The following PELP1 variants were observed in gnomAD, a reference collection of about 807,000 sequenced individuals.
The protein encoded by PELP1 is proline, glutamate and leucine rich protein 1.
A neutral mutation model predicts 95.5 loss-of-function variants in PELP1; 32 were observed. That is an observed-to-expected ratio of 0.34 (90% CI 0.25 to 0.45). The LOEUF is 0.45. Among genes scored for constraint, PELP1 ranks in the 20% least tolerant of loss-of-function variants. The pLI is 1.00. For synonymous variants in PELP1, 668 were observed against 600.1 expected, an observed-to-expected ratio of 1.11 and a Z score of -1.65; for missense variants, 1,358 against 1,444.8, an observed-to-expected ratio of 0.94 and a Z score of 0.97.
In PELP1 at chr17:4,671,839, T is replaced by A. The variant is rs766057111; in HGVS notation, c.3152A>T (p.Gln1051Leu). Reference sequence around the variant, plus strand: ...AGAGGGCTCTTCTTCAACAAGCTCCTGGGGAGGGGGCCCTGCCGCAGGGCT... The same window carrying A: ...AGAGGGCTCTTCTTCAACAAGCTCCAGGGGAGGGGGCCCTGCCGCAGGGCT... Reference protein sequence around the residue: ...GESPAAGPPPQELVEEEPSAP... With the variant: ...GESPAAGPPPLELVEEEPSAP... Residue 1051 changes from glutamine (Q) to leucine (L), a missense_variant, in exon 16 of 17, where the codon CAG becomes CTG. By Grantham distance (113) the Gln-to-Leu change is moderately radical. Around this residue, in one of 7 missense-constraint regions of PELP1, gnomAD observed 283 missense variants for 284.1 expected, o/e 1.00. Coordinates refer to ENST00000572293, the MANE Select transcript of PELP1 (RefSeq NM_014389.3). 8.6e-6 allele frequency: 13 copies of A among 1,513,660 alleles called. No homozygotes were observed. The highest frequency in any genetic ancestry group is 1.4e-5 in the South Asian group (1 of 72,600). 93.8% of individuals were successfully genotyped at this position (1,513,660 alleles called of 1,614,324 possible).
In PELP1 at chr17:4,673,180, G is replaced by C. The variant is rs1318016125; in HGVS notation, c.1846-35C>G. 1 of 1,516,208 alleles carries C rather than the reference G, an allele frequency of 6.6e-7. No individual in the cohort carries two copies. The highest frequency in any genetic ancestry group is 8.9e-7 in the Non-Finnish European group (1 of 1,129,690). 93.9% of individuals were successfully genotyped at this position (1,516,208 alleles called of 1,614,324 possible). ...GAAGAAAGGGCAAGTGTGAGCACCA[G>C]AAATACTGGGAGTCTCTTGGAAACA... On this transcript the variant is annotated intron_variant, in intron 15 of 16. Transcript: ENST00000572293. This position sits in a 1 kb window ranked among gnomAD's most constrained non-coding sequence, Gnocchi z 5.7.
intron 1 of PELP1, among the ~76,000 whole-genome samples, chr17:4,701,186 A>T (rs1913514894): frequency 6.6e-6 from 1 of 152,084 alleles, no homozygotes; most frequent in Non-Finnish European, 1.5e-5. Context: ...TGTAGGGGAG[A>T]GAGGTTATAA....
At chr17:4,687,832 T>C (rs1912961089) in intron 3 of PELP1, among the ~76,000 whole-genome samples, 1 of 152,102 alleles carries the variant, frequency 6.6e-6, no homozygotes, top group Non-Finnish European at 1.5e-5. Flanking sequence ...GGAGATGTTA[T>C]CAAAGGATGT....
At chr17:4,676,546 C>A (rs369779001) in intron 6 of PELP1, 39 bp from the exon 7 acceptor site, 50 of 1,608,166 alleles carry the variant, frequency 3.1e-5, no homozygotes, top group Non-Finnish European at 3.8e-5. Flanking sequence ...AGATGGGAAT[C>A]CAGCCCAGCC....
intron 1 of PELP1, among the ~76,000 whole-genome samples, chr17:4,702,561 T>C (rs1256585314): frequency 2.0e-5 from 3 of 152,218 alleles, no homozygotes; most frequent in African/African-American, 7.2e-5. Context: ...CTCCAGCCTC[T>C]GATATTGGGC....
intron 1 of PELP1, among the ~76,000 whole-genome samples, chr17:4,695,799 C>A (rs531183480): frequency 6.7e-6 from 1 of 149,480 alleles, no homozygotes; most frequent in South Asian, 2.1e-4. Flanking sequence ...GCCAACGTGG[C>A]GAAACTAAAC....
At chr17:4,700,993 A>T (rs754460451) in intron 1 of PELP1, among the ~76,000 whole-genome samples, 3,000 of 36,728 alleles carry the variant, frequency 0.082, 65 homozygotes, top group Non-Finnish European at 0.15. Flanking sequence ...AAGTTCCACT[A>T]AAAAAAAAAA....
At chr17:4,698,154 C>A (rs1039078538) in intron 1 of PELP1, among the ~76,000 whole-genome samples, 1 of 151,978 alleles carries the variant, frequency 6.6e-6, no homozygotes, top group Non-Finnish European at 1.5e-5. Context: ...GCCACTGCAC[C>A]TGGACGACTT....
intron 1 of PELP1, among the ~76,000 whole-genome samples, chr17:4,702,130 T>A (rs1913563164): frequency 6.6e-6 from 1 of 152,116 alleles, no homozygotes; most frequent in Non-Finnish European, 1.5e-5. Context: ...AAAAAAAATT[T>A]CTGGGGGGCA....
At position 4,672,299 on chromosome 17, in the gene PELP1, C is replaced by T; in HGVS notation, c.2692G>A (p.Glu898Lys). The T allele has an allele frequency of 6.4e-7, 1 of 1,551,546 alleles. No homozygotes were observed. The highest frequency in any genetic ancestry group is 2.0e-5 in the Admixed American group (1 of 51,040). The change falls in exon 16 of 17, where the codon GAA (glutamate) becomes AAA (lysine). Residue 898 changes from glutamate (E) to lysine (K), a missense_variant. By Grantham distance (56) the Glu-to-Lys change is moderately conservative. Around this residue, in one of 7 missense-constraint regions of PELP1, gnomAD observed 283 missense variants for 284.1 expected, o/e 1.00. Transcript: ENST00000572293. ...EEEEEEEEEE[E>K]EEEEEEEEEE... ...TCTTCCTCTTCTTCCTCTTCTTCTT[C>T]TTCCTCTTCTTCCTCTTCCTCCTCC...
chr17:4,698,670 C>T (rs1254655873), intron 1 of PELP1, among the ~76,000 whole-genome samples: 1 of 142,710 alleles, frequency 7.0e-6, no homozygotes, highest in Non-Finnish European at 1.5e-5. Flanking sequence ...AAACAAACAA[C>T]AACAAAAAAA....
At chr17:4,694,107 A>C (rs1913205797) in intron 1 of PELP1, among the ~76,000 whole-genome samples, 1 of 152,166 alleles carries the variant, frequency 6.6e-6, no homozygotes, top group African/African-American at 2.4e-5. Flanking sequence ...AAAGAAGCCA[A>C]ACCCAAAGGC....
At chr17:4,690,270 G>T (rs960324935) in intron 3 of PELP1, among the ~76,000 whole-genome samples, 1 of 152,036 alleles carries the variant, frequency 6.6e-6, no homozygotes, top group East Asian at 1.9e-4. Flanking sequence ...CTGAGGACTC[G>T]GGCGGAAATG....
At chr17:4,680,059 A>G (rs1266088124) in intron 5 of PELP1, among the ~76,000 whole-genome samples, 2 of 152,230 alleles carry the variant, frequency 1.3e-5, no homozygotes, top group African/African-American at 4.8e-5. Flanking sequence ...ACCAGATAAT[A>G]TAACCTTTGG....
chr17:4,682,778 G>T, intron 4 of PELP1, 25 bp downstream of exon 4: 2 of 1,546,606 alleles, frequency 1.3e-6, no homozygotes, highest in Non-Finnish European at 1.7e-6. Context: ...GGGGCCATGG[G>T]GAAGGGTCCA....
intron 3 of PELP1, among the ~76,000 whole-genome samples, chr17:4,683,501 G>C (rs1218630084): frequency 5.9e-5 from 8 of 136,026 alleles, no homozygotes; most frequent in African/African-American, 1.9e-4. Context: ...TTACAGGTGT[G>C]AGCCATCACG....
intron 3 of PELP1, among the ~76,000 whole-genome samples, chr17:4,683,374 C>G (rs36002871): frequency 1.3e-5 from 2 of 151,590 alleles, no homozygotes; most frequent in Non-Finnish European, 2.9e-5. Context: ...GCGCCCGCCA[C>G]CACGCCTGAC....
At chr17:4,694,614 C>G (rs952958876) in intron 1 of PELP1, among the ~76,000 whole-genome samples, 4 of 149,288 alleles carry the variant, frequency 2.7e-5, no homozygotes, top group African/African-American at 9.9e-5. Flanking sequence ...GAGCCAAGAT[C>G]GTGACACTGC....
chr17:4,674,404 C>T, intron 13 of PELP1, 106 bp downstream of exon 13: 1 of 1,041,134 alleles, frequency 9.6e-7, no homozygotes, highest in Non-Finnish European at 1.4e-6. Flanking sequence ...AGGCACTCTC[C>T]CCACAAAAGT....
Sources: gnomAD v4.1 joint callset for allele counts (sites outside exome capture counted in the v4.1 genomes callset) on GRCh38, gnomAD v4.1.1 for gene constraint, gnomAD v4.1.1 regional missense constraint, Gnocchi (gnomAD v3.1) non-coding constraint, MANE v1.5 for transcripts, NCBI Gene and HGNC (gene_info 2026-07-23, HGNC 2026-07-21) for gene names.